The following CNDP1 variants were observed in gnomAD, a reference collection of about 807,000 sequenced individuals.
CNDP1 encodes the protein beta-Ala-His dipeptidase.
A neutral mutation model predicts 58.1 loss-of-function variants in CNDP1; 44 were observed. The ratio of observed to expected loss-of-function variants is 0.76; its 90% CI spans 0.60 to 0.97. The LOEUF is 0.97. Among genes scored for constraint, CNDP1 ranks in the 50% least tolerant of loss-of-function variants. CNDP1 has a pLI of 0.00. For missense variants in CNDP1, 616 were observed against 655.1 expected (o/e 0.94, Z 0.65); for synonymous variants, 254 against 252.6 (o/e 1.01, Z -0.05).
At chr18:74,560,102 C>G (rs537028444) in intron 3 of CNDP1, among the ~76,000 whole-genome samples, 34 of 151,822 alleles carry the variant, frequency 2.2e-4, no homozygotes, top group African/African-American at 7.7e-4. Context: ...CTCCGCCTCC[C>G]AGGTCCCAGT....
chr18:74,555,264 T>C (rs1164121337), intron 1 of CNDP1, among the ~76,000 whole-genome samples: 1 of 152,108 alleles, frequency 6.6e-6, no homozygotes, highest in African/African-American at 2.4e-5. Context: ...TGGGTTTGGC[T>C]TCTAAAGTGG....
Position 74,556,432 on chromosome 18 carries a change from A to G in CNDP1, c.119A>G (p.Gln40Arg), listed in dbSNP as rs2144652513. 1 of 1,614,222 alleles carries G rather than the reference A, an allele frequency of 6.2e-7. No individual in the cohort carries two copies. Among genetic ancestry groups the G allele is most frequent in the Non-Finnish European group, 8.5e-7 (1 of 1,180,034 alleles). ...CCGGCGCTGTTAGAGAAAGTCTTCC[A>G]GTACATTGACCTCCATCAGGATGAA... ...PPPALLEKVF[Q>R]YIDLHQDEFV... The change falls in exon 2 of 12, where the codon CAG becomes CGG. Residue 40 changes from glutamine to arginine, a missense_variant. Transcript: ENST00000358821.
rs1599091358 is a variant in CNDP1 at position 74,555,416 on chromosome 18, C to T, written c.25-922C>T. On this transcript the variant is annotated intron_variant, in intron 1 of 11. Coordinates refer to ENST00000358821, the MANE Select transcript of CNDP1 (RefSeq NM_032649.6). ...CTCTTCTCCAGCCCGCCTCTGATGGCTCGGGCTGCACTGGGGGAGATGTTG... is the reference window on the plus strand; with the variant it reads ...CTCTTCTCCAGCCCGCCTCTGATGGTTCGGGCTGCACTGGGGGAGATGTTG... Among the ~76,000 whole-genome samples, 3 of 152,308 alleles carry T rather than the reference C, an allele frequency of 2.0e-5. No homozygotes were observed. In the South Asian group the frequency reaches 6.2e-4, roughly 32 times the overall value.
chr18:74,541,810 C>T (rs2144639665), intron 1 of CNDP1, among the ~76,000 whole-genome samples: 1 of 152,336 alleles, frequency 6.6e-6, no homozygotes, highest in Non-Finnish European at 1.5e-5. Context: ...CGGTTACAAT[C>T]CCCCACTTCT....
At chr18:74,578,397 T>C in intron 9 of CNDP1, 70 bp downstream of exon 9, 1 of 1,425,842 alleles carries the variant, frequency 7.0e-7, no homozygotes, top group Non-Finnish European at 9.6e-7. Context: ...CATCACGGCT[T>C]AGTGAGCAGT....
chr18:74,558,611 G>A (rs558910866), intron 2 of CNDP1, among the ~76,000 whole-genome samples: 149 of 152,076 alleles, frequency 9.8e-4, no homozygotes, highest in African/African-American at 3.3e-3. Context: ...AGCCAGGATG[G>A]TCTGGATCTG....
rs56059264 is a variant in CNDP1, at chr18:74,572,790, C to CAA, written c.841+1540_841+1541dup. Among the ~76,000 whole-genome samples, 216 of 59,656 alleles carry CAA rather than the reference C, an allele frequency of 3.6e-3. 1 individual carries two copies. The highest frequency in any genetic ancestry group is 8.1e-3 in the African/African-American group (113 of 13,982). 39.1% of individuals were successfully genotyped at this position (59,656 alleles called of 152,430 possible). A position where few individuals can be genotyped will look rare whatever the true frequency, so the allele number is the denominator to read the frequency against. ...TGGGCAAAAGAACAAGACCCTGTAT[C>CAA]AAAAAAAAAAAAAAAAAAAAAGAAA... On this transcript the variant is annotated intron_variant, in intron 7 of 11. Transcript: ENST00000358821.
intron 1 of CNDP1, among the ~76,000 whole-genome samples, chr18:74,537,313 A>G (rs1046783762): frequency 2.6e-5 from 4 of 152,108 alleles, no homozygotes; most frequent in Non-Finnish European, 5.9e-5. Context: ...ATTTTTGTAT[A>G]TGATGTAAGG....
chr18:74,571,215 A>T lies in CNDP1; in HGVS notation c.786A>T (p.Ser262=), dbSNP rs772027007. Residue 262 remains serine (S), a synonymous_variant, in exon 7 of 12, where the codon TCA becomes TCT. Coordinates refer to ENST00000358821, the MANE Select transcript of CNDP1 (RefSeq NM_032649.6). ...EVKCRDQDFH[S]GTFGGILHEP... ...AATGCAGAGACCAGGATTTTCACTC[A>T]GGAACCTTTGGTGGCATCCTTCATG... is the stretch of plus-strand genomic sequence containing the variant. The T allele has an allele frequency of 1.1e-5, 17 of 1,613,410 alleles. No homozygotes were observed. The highest frequency in any genetic ancestry group is 1.4e-5 in the Non-Finnish European group (17 of 1,179,376).
chr18:74,578,053 G>A, intron 8 of CNDP1, 110 bp from the exon 9 acceptor site: 1 of 972,478 alleles, frequency 1.0e-6, no homozygotes, highest in Non-Finnish European at 1.5e-6. Context: ...TAAGGTGACA[G>A]TTAACGTGTC....
intron 1 of CNDP1, among the ~76,000 whole-genome samples, chr18:74,539,625 G>A (rs1980567159): frequency 1.3e-5 from 2 of 152,210 alleles, no homozygotes; most frequent in African/African-American, 2.4e-5. Context: ...ACCTGCTCCT[G>A]AGCAGCAAGT....
rs1392969684 is a variant in CNDP1, at chr18:74,562,131, A to G, written c.551A>G (p.Glu184Gly). 7 of 1,613,828 alleles carry G rather than the reference A, an allele frequency of 4.3e-6. No individual in the cohort carries two copies. The Admixed American group carries it at 5.0e-5, about 12-fold the overall frequency. ...GCTGTGAGCGCCTTCAGAGCCCTGG[A>G]GCAAGTAGGTGGCAGCTGTGTTTGG... ...INAVSAFRAL[E>G]QDLPVNIKFI... The change falls in exon 5 of 12, where the codon GAG becomes GGG. Residue 184 changes from glutamate to glycine, a missense_variant. Glu to Gly is a moderately conservative substitution (Grantham distance 98, BLOSUM62 -2). Coordinates refer to ENST00000358821, the MANE Select transcript of CNDP1 (RefSeq NM_032649.6).
chr18:74,565,143 A>G (rs1044727473), intron 5 of CNDP1, among the ~76,000 whole-genome samples: 28 of 152,204 alleles, frequency 1.8e-4, no homozygotes, highest in African/African-American at 6.5e-4. Flanking sequence ...CTTATTCACT[A>G]TCACGAGAAT....
intron 1 of CNDP1, among the ~76,000 whole-genome samples, chr18:74,543,199 G>A (rs767714490): frequency 6.6e-5 from 10 of 152,128 alleles, no homozygotes; most frequent in Non-Finnish European, 1.3e-4. Flanking sequence ...TGAATCAGGA[G>A]CAGACAGGGG....
chr18:74,576,940 G>C lies in CNDP1; in HGVS notation c.913G>C (p.Glu305Gln), dbSNP rs2144575599. ...IYDEVVPLTE[E>Q]EINTYKAIHL... ...TGATGAAGTGGTTCCTCTTACAGAAGAGGAAATAAATACATACAAAGCCAT... is the reference window on the plus strand; with the variant it reads ...TGATGAAGTGGTTCCTCTTACAGAACAGGAAATAAATACATACAAAGCCAT... The change falls in exon 8 of 12, where the codon GAG becomes CAG. Residue 305 changes from glutamate (E) to glutamine (Q), a missense_variant. Physicochemically the swap from Glu to Gln is conservative, Grantham distance 29 (BLOSUM62 2). Coordinates refer to ENST00000358821, the MANE Select transcript of CNDP1 (RefSeq NM_032649.6). The C allele has an allele frequency of 1.9e-6, 3 of 1,613,618 alleles. No homozygotes were observed. In the South Asian group the frequency reaches 3.3e-5, roughly 18 times the overall value.
In CNDP1 at chr18:74,580,264, C is replaced by T. The variant is rs1250280014; in HGVS notation, c.1302C>T (p.Ile434=). 4.3e-6 allele frequency: 7 copies of T among 1,614,124 alleles called. No individual in the cohort carries two copies. In the South Asian group the frequency reaches 6.6e-5, roughly 15 times the overall value. Reference sequence around the variant, plus strand: ...AGTATCTCGCAGCAAAAAGAGCGATCAGAACAGGTGGGACCTTAAGATCTT... The same window carrying T: ...AGTATCTCGCAGCAAAAAGAGCGATTAGAACAGGTGGGACCTTAAGATCTT... ...DTQYLAAKRA[I]RTVFGTEPDM... The change falls in exon 10 of 12, where the codon ATC becomes ATT. Residue 434 remains isoleucine, a synonymous_variant. Transcript: ENST00000358821.
intron 2 of CNDP1, among the ~76,000 whole-genome samples, chr18:74,557,196 G>A (rs898199796): frequency 1.3e-5 from 2 of 151,330 alleles, no homozygotes; most frequent in Admixed American, 6.6e-5. Flanking sequence ...GGGATTGCAG[G>A]TGTGAGCCAC....
chr18:74,534,705 C>G lies in CNDP1; in HGVS notation c.24+14C>G. 6.2e-7 allele frequency: 1 copy of G among 1,614,014 alleles called. No individual in the cohort carries two copies. The highest frequency in any genetic ancestry group is 8.5e-7 in the Non-Finnish European group (1 of 1,179,908). ...CTCGGGAGAATGGTGAGTAGGACCT[C>G]CTCCATCAGAGTCCGTGCATTGGGT... is the stretch of plus-strand genomic sequence containing the variant. On this transcript the variant is annotated intron_variant, in intron 1 of 11. Transcript: ENST00000358821.
intron 8 of CNDP1, 126 bp downstream of exon 8, chr18:74,577,155 CCAGGCATATTTTTG>C (rs1481729428): frequency 2.4e-5 from 22 of 909,176 alleles, no homozygotes; most frequent in Non-Finnish European, 3.3e-5. Context: ...ATGTGAATTC[CCAGGCATATTTTTG>C]ACATTCACAG....
Sources: allele counts gnomAD v4.1 joint callset (sites outside exome capture counted in the v4.1 genomes callset), GRCh38; gene constraint gnomAD v4.1.1; transcripts MANE v1.5; gene names NCBI Gene and HGNC (gene_info 2026-07-23, HGNC 2026-07-21).